ARVCF: variants seen among roughly 807,000 people sequenced by gnomAD.
ARVCF encodes ARVCF delta catenin family member.
In ARVCF, 66 loss-of-function variants were observed where a neutral mutation model predicts 90.9. That is an observed-to-expected ratio of 0.73 (90% CI 0.60 to 0.89). The LOEUF (loss-of-function observed/expected upper bound fraction) is 0.89, where lower values mean the gene tolerates loss of function less well. Among genes scored for constraint, ARVCF ranks in the 40% least tolerant of loss-of-function variants. The pLI is 0.00. For missense variants in ARVCF, 1,469 were observed against 1,382.3 expected (o/e 1.06, Z -1.00); for synonymous variants, 653 against 603.4 (o/e 1.08, Z -1.21).
At chr22:19,979,215 G>A (rs770103870) in intron 6 of ARVCF, 135 bp from the exon 7 acceptor site, 129 of 1,003,274 alleles carry the variant, frequency 1.3e-4, no homozygotes, top group Middle Eastern at 1.1e-3. Flanking sequence ...AACAAAAGCC[G>A]TGAGTGGTTC....
chr22:19,981,066 G>T, intron 5 of ARVCF, 145 bp downstream of exon 5: 1 of 1,114,568 alleles, frequency 9.0e-7, no homozygotes, highest in African/African-American at 1.6e-5. Flanking sequence ...CCTTTCTTCT[G>T]TCCCTGACGA....
intron 3 of ARVCF, among the ~76,000 whole-genome samples, chr22:19,988,007 C>T (rs930743836): frequency 6.6e-5 from 10 of 152,186 alleles, no homozygotes; most frequent in African/African-American, 2.4e-4. Context: ...TCCAGCATCA[C>T]GAACAGGGAA....
Position 19,977,535 on chromosome 22 carries a change from T to G in ARVCF, c.1750A>C (p.Lys584Gln), listed in dbSNP as rs754456730. The change falls in exon 9 of 20, where the codon AAG becomes CAG. Residue 584 changes from lysine to glutamine, a missense_variant. Transcript: ENST00000263207. ...TACCTGTCGGCCCCGGGCACCTCCT[T>G]GTGCACGTGGTAGGACAGGTTCCGC... ...IMRNLSYHVH[K>Q]EVPGADRYQE... 6 of 1,596,160 alleles carry G rather than the reference T, an allele frequency of 3.8e-6. No homozygotes were observed. The highest frequency in any genetic ancestry group is 8.5e-7 in the Non-Finnish European group (1 of 1,170,254).
At chr22:19,991,425 C>T (rs1408624404) in intron 2 of ARVCF, among the ~76,000 whole-genome samples, 4 of 152,258 alleles carry the variant, frequency 2.6e-5, no homozygotes, top group Non-Finnish European at 4.4e-5. Context: ...TCCACATTGG[C>T]CAGAAACAAG....
intron 2 of ARVCF, among the ~76,000 whole-genome samples, chr22:19,995,833 C>T (rs936849892): frequency 1.3e-5 from 2 of 152,100 alleles, no homozygotes; most frequent in African/African-American, 4.8e-5. Context: ...CGAGCCTCCT[C>T]CCATACCCCC....
At chr22:19,993,276 C>T (rs1944098995) in intron 2 of ARVCF, among the ~76,000 whole-genome samples, 1 of 152,194 alleles carries the variant, frequency 6.6e-6, no homozygotes, top group South Asian at 2.1e-4. Flanking sequence ...TGGACTCTGG[C>T]CTATGACAGG....
In ARVCF at chr22:19,990,777, C is replaced by T. The variant is rs147628105; in HGVS notation, c.18G>A (p.Val6=). The T allele has an allele frequency of 5.1e-6, 8 of 1,573,776 alleles. No homozygotes were observed. In the African/African-American group the frequency reaches 9.4e-5, roughly 19 times the overall value. ...AGGCCAGGATGCTGGCGGCCGAGTG[C>T]ACATTGCAGTCCTCCATGACCAGAG... is the stretch of plus-strand genomic sequence containing the variant. The part of the protein sequence containing the change: MEDCN[V]HSAASILASV... The change falls in exon 3 of 20, where the codon GTG becomes GTA. Residue 6 remains valine, a synonymous_variant. Transcript: ENST00000263207.
rs140512521 is a variant in ARVCF at position 20,010,497 on chromosome 22, AGGCTCT to A, written c.-67_-62del. 6.6e-6 allele frequency: 1 copy of A among 152,384 alleles called. No homozygotes were observed. The highest frequency in any genetic ancestry group is 2.4e-5 in the African/African-American group (1 of 41,578). 9.4% of individuals were successfully genotyped at this position (152,384 alleles called of 1,614,324 possible). On this transcript the variant is annotated 5_prime_UTR_variant, in exon 2 of 20. Coordinates refer to ENST00000263207, the MANE Select transcript of ARVCF (RefSeq NM_001670.3). ...CAGCATGTCCCGACACCCACCCTGC[AGGCTCT>A]GGCTCCTGCAGGGAAACCAGAGGGC...
Position 19,975,703 on chromosome 22 carries a change from CG to C in ARVCF, c.1942del (p.Arg648GlufsTer216). 6.2e-7 allele frequency: 1 copy of C among 1,613,660 alleles called. No individual in the cohort carries two copies. Among genetic ancestry groups the C allele is most frequent in the Non-Finnish European group, 8.5e-7 (1 of 1,179,970 alleles). On this transcript the variant is annotated frameshift_variant, in exon 11 of 20. Coordinates refer to ENST00000263207, the MANE Select transcript of ARVCF (RefSeq NM_001670.3). LOFTEE classifies it high-confidence loss of function. ...RNFDTLDLPKRTEAAKGFELL... is the reference protein window; with the variant it reads ...RNFDTLDLPKXTEAAKGFELL... ...CCACTCACCTTTGGCGGCCTCAGTTCGCTTGGGCAGGTCTAGCGTGTCAAAG... is the reference window on the plus strand; with the variant it reads ...CCACTCACCTTTGGCGGCCTCAGTTCCTTGGGCAGGTCTAGCGTGTCAAAG...
At chr22:19,997,282 G>A (rs1359482584) in intron 2 of ARVCF, among the ~76,000 whole-genome samples, 2 of 152,146 alleles carry the variant, frequency 1.3e-5, no homozygotes, top group African/African-American at 4.8e-5. Context: ...AGGTGAGCAG[G>A]CAGGGCAGGC....
intron 7 of ARVCF, 35 bp from the exon 8 acceptor site, chr22:19,978,110 C>T (rs1221900617): frequency 7.7e-6 from 12 of 1,554,372 alleles, no homozygotes; most frequent in Non-Finnish European, 1.0e-5. Flanking sequence ...TGACCCCTGG[C>T]TACCAGAAAC....
At chr22:19,990,316 A>AG (rs1339812928) in intron 3 of ARVCF, among the ~76,000 whole-genome samples, 4 of 152,200 alleles carry the variant, frequency 2.6e-5, no homozygotes, top group Non-Finnish European at 4.4e-5. Context: ...GCTGCCCAGA[A>AG]CAGACCCCAT....
intron 18 of ARVCF, 32 bp downstream of exon 18, chr22:19,971,853 CG>C (rs1569144378): frequency 1.2e-6 from 2 of 1,609,594 alleles, no homozygotes; most frequent in South Asian, 2.2e-5. Context: ...GGGGCCTCAC[CG>C]GGGACCTGCC....
chr22:20,014,402 C>T (rs1322931065), intron 1 of ARVCF, among the ~76,000 whole-genome samples: 3 of 152,172 alleles, frequency 2.0e-5, no homozygotes, highest in African/African-American at 7.2e-5. Flanking sequence ...ACCATGTTGG[C>T]CAGGCTAGTG....
At chr22:19,995,370 C>T (rs1488598378) in intron 2 of ARVCF, among the ~76,000 whole-genome samples, 4 of 144,156 alleles carry the variant, frequency 2.8e-5, no homozygotes, top group African/African-American at 5.2e-5. Flanking sequence ...AAACAGAGTG[C>T]GATGCATGAA....
At chr22:20,008,611 C>T (rs1944716986) in intron 2 of ARVCF, among the ~76,000 whole-genome samples, 1 of 152,184 alleles carries the variant, frequency 6.6e-6, no homozygotes, top group Non-Finnish European at 1.5e-5. Context: ...TGGGTGTTTA[C>T]ATCAGCCCCT....
intron 1 of ARVCF, among the ~76,000 whole-genome samples, chr22:20,011,696 A>C (rs1944838538): frequency 6.6e-6 from 1 of 151,904 alleles, no homozygotes; most frequent in East Asian, 1.9e-4. Context: ...CCCGGTTGGG[A>C]GCCCATCCAC....
chr22:19,975,901 G>A, intron 10 of ARVCF, 144 bp from the exon 11 acceptor site: 2 of 779,762 alleles, frequency 2.6e-6, no homozygotes, highest in Non-Finnish European at 4.2e-6. Flanking sequence ...GTGGAGCACC[G>A]TTGTCAGAGT....
At position 20,014,236 on chromosome 22, in the gene ARVCF, C is replaced by T. The variant is rs565711163; in HGVS notation, c.-73+2353G>A. ...TGGAGATAGAGTCTCGCTCTATCAC[C>T]CAGGCTGGAGTGCAGTGGTGTGATC... On this transcript the variant is annotated intron_variant, in intron 1 of 19. Transcript: ENST00000263207. 2.1e-3 allele frequency among the ~76,000 whole-genome samples: 315 copies of T among 152,048 alleles called. 2 individuals are homozygous for T. Among genetic ancestry groups the T allele is most frequent in the African/African-American group, 7.5e-3 (309 of 41,476 alleles).
Sources: allele counts gnomAD v4.1 joint callset (sites outside exome capture counted in the v4.1 genomes callset), GRCh38; gene constraint gnomAD v4.1.1; transcripts MANE v1.5; gene names NCBI Gene and HGNC (gene_info 2026-07-23, HGNC 2026-07-21).